Variants in SHTN1 observed in about 807,000 individuals in gnomAD.
SHTN1 encodes shootin 1, also known as shootin-1.
Under a neutral mutation model 83.1 loss-of-function variants are expected in SHTN1, and 42 were observed. The ratio of observed to expected loss-of-function variants is 0.51; its 90% CI spans 0.39 to 0.65. SHTN1 has a LOEUF of 0.65. Among genes scored for constraint, SHTN1 ranks in the 30% least tolerant of loss-of-function variants. The pLI is 0.00. For synonymous variants in SHTN1, 224 were observed against 247.7 expected, an observed-to-expected ratio of 0.90 and a Z score of 0.90; for missense variants, 622 against 737.8, an observed-to-expected ratio of 0.84 and a Z score of 1.82.
chr10:116,927,829 G>C lies in SHTN1; in HGVS notation c.1075C>G (p.Pro359Ala). 1.9e-6 allele frequency: 3 copies of C among 1,606,870 alleles called. No homozygotes were observed. The highest frequency in any genetic ancestry group is 1.7e-6 in the Non-Finnish European group (2 of 1,176,940). The change falls in exon 11 of 17, where the codon CCA (proline) becomes GCA (alanine). Residue 359 changes from proline to alanine, a missense_variant. Pro to Ala is a conservative substitution (Grantham distance 27). Coordinates refer to ENST00000355371, the MANE Select transcript of SHTN1 (RefSeq NM_001127211.3). ...GGAGGTGGAGGGGGAAGTGGTGGTG[G>C]AGGAGGAGGTGGTGGAGGTACTGAA... ...ENSVPPPPPP[P>A]PPLPPPPPNP... is the part of the protein sequence containing the mutation.
At chr10:117,104,845 C>A (rs1215705085) in intron 1 of SHTN1, among the ~76,000 whole-genome samples, 1 of 151,690 alleles carries the variant, frequency 6.6e-6, no homozygotes, top group Non-Finnish European at 1.5e-5. Context: ...AATTATTTGT[C>A]ATTAATAGTC....
chr10:116,935,618 G>GA (rs1849129012), intron 9 of SHTN1, among the ~76,000 whole-genome samples: 1 of 152,100 alleles, frequency 6.6e-6, no homozygotes, highest in Admixed American at 6.5e-5. Context: ...GTATTAGCCT[G>GA]AAATTTTCTT....
Position 116,919,417 on chromosome 10 carries a change from A to C in SHTN1, c.1195+2017T>G, listed in dbSNP as rs537956967. On this transcript the variant is annotated intron_variant, in intron 12 of 16. Coordinates refer to ENST00000355371, the MANE Select transcript of SHTN1 (RefSeq NM_001127211.3). ...ATTGGTAACTCTACTTAGAATCCCA[A>C]AATAGCAATCTGGTAGCCCAAGGAT... Among the ~76,000 whole-genome samples the C allele has an allele frequency of 3.3e-5, 5 of 152,316 alleles. No homozygotes were observed. The East Asian group carries it at 7.7e-4, about 24-fold the overall frequency.
At chr10:116,908,268 C>T (rs1848051065) in intron 14 of SHTN1, among the ~76,000 whole-genome samples, 1 of 152,102 alleles carries the variant, frequency 6.6e-6, no homozygotes, top group African/African-American at 2.4e-5. Context: ...TTAGAAGTAT[C>T]TCTTTTTATT....
In SHTN1 at chr10:116,883,028, T is replaced by C. The variant is rs1847065803; in HGVS notation, c.*3316A>G. 6.6e-6 allele frequency: 1 copy of C among 151,892 alleles called. No individual in the cohort carries two copies. 9.4% of individuals were successfully genotyped at this position (151,892 alleles called of 1,614,324 possible). A position where few individuals can be genotyped will look rare whatever the true frequency, so the allele number is the denominator to read the frequency against. ...ATGAGACTATGCCCTGGAACAGTGATATAAATTATAATTAAATTACTAAAA... is the reference window on the plus strand; with the variant it reads ...ATGAGACTATGCCCTGGAACAGTGACATAAATTATAATTAAATTACTAAAA... On this transcript the variant is annotated 3_prime_UTR_variant, in exon 17 of 17. Coordinates refer to ENST00000355371, the MANE Select transcript of SHTN1 (RefSeq NM_001127211.3).
chr10:116,893,414 C>T (rs1398028772), intron 16 of SHTN1, among the ~76,000 whole-genome samples: 2 of 152,128 alleles, frequency 1.3e-5, no homozygotes, highest in Admixed American at 1.3e-4. Flanking sequence ...ACTAAGATTA[C>T]AGTTGAGAGC....
At chr10:117,040,164 T>C (rs938767448) in intron 2 of SHTN1, among the ~76,000 whole-genome samples, 2 of 152,178 alleles carry the variant, frequency 1.3e-5, no homozygotes, top group Non-Finnish European at 2.9e-5. Context: ...GAAAACTGTT[T>C]TTAGATACTG....
chr10:117,039,453 T>C (rs1355463119), intron 2 of SHTN1, among the ~76,000 whole-genome samples: 2 of 152,210 alleles, frequency 1.3e-5, no homozygotes, highest in Non-Finnish European at 2.9e-5. Flanking sequence ...ACAACATCTA[T>C]AGTGAACCTT....
intron 1 of SHTN1, among the ~76,000 whole-genome samples, chr10:117,099,009 TACACACACACACACACAC>T (rs371738555): frequency 1.6e-4 from 22 of 141,128 alleles, no homozygotes; most frequent in African/African-American, 4.7e-4. Context: ...GTGGTATGTA[TACACACACACACACACAC>T]ACACACACAC....
intron 2 of SHTN1, among the ~76,000 whole-genome samples, chr10:117,044,610 A>G (rs1194386010): frequency 6.6e-6 from 1 of 152,152 alleles, no homozygotes; most frequent in Non-Finnish European, 1.5e-5. Context: ...TAGGGAGTCT[A>G]TAAGTACCCA....
intron 2 of SHTN1, among the ~76,000 whole-genome samples, chr10:117,047,240 T>C (rs11197875): frequency 0.23 from 35,686 of 151,862 alleles, 4,948 homozygotes; most frequent in East Asian, 0.46. Flanking sequence ...AATTTTTTTG[T>C]ATTTTTGGTA....
rs540044505 is a variant in SHTN1 at position 116,884,154 on chromosome 10, A to G, written c.*2190T>C. The G allele has an allele frequency of 2.0e-5, 9 of 449,330 alleles. No homozygotes were observed. Among genetic ancestry groups the G allele is most frequent in the Middle Eastern group, 3.3e-4 (1 of 3,048 alleles). 27.8% of individuals were successfully genotyped at this position (449,330 alleles called of 1,614,324 possible). A position where few individuals can be genotyped will look rare whatever the true frequency, so the allele number is the denominator to read the frequency against. On this transcript the variant is annotated 3_prime_UTR_variant, in exon 17 of 17. Coordinates refer to ENST00000355371, the MANE Select transcript of SHTN1 (RefSeq NM_001127211.3). ...TTTTCCAACTTAAAATTGTGTAAGC[A>G]GGACGTATGTAAGTTTTGTGTGTGC...
At chr10:116,889,656 C>T (rs1433006668) in intron 16 of SHTN1, among the ~76,000 whole-genome samples, 1 of 152,216 alleles carries the variant, frequency 6.6e-6, no homozygotes, top group African/African-American at 2.4e-5. Context: ...GAGTCAGAAG[C>T]TCCTGTCTCC....
chr10:117,003,673 A>G (rs1362233518), intron 1 of SHTN1, among the ~76,000 whole-genome samples: 7 of 151,932 alleles, frequency 4.6e-5, no homozygotes, highest in Non-Finnish European at 4.4e-5. Flanking sequence ...GATTGACCAG[A>G]AGATCCACGG....
At chr10:117,015,016 T>C (rs1180946613) in intron 2 of SHTN1, among the ~76,000 whole-genome samples, 1 of 152,194 alleles carries the variant, frequency 6.6e-6, no homozygotes, top group East Asian at 1.9e-4. Flanking sequence ...GTGTGGCTCA[T>C]TATCCTTGGT....
At chr10:117,109,209 G>A (rs1247799377) in intron 1 of SHTN1, among the ~76,000 whole-genome samples, 1 of 152,122 alleles carries the variant, frequency 6.6e-6, no homozygotes, top group Non-Finnish European at 1.5e-5. Flanking sequence ...CTGAGGCACA[G>A]GCTTCAGACT....
At chr10:116,997,356 A>C (rs1360400392) in intron 1 of SHTN1, among the ~76,000 whole-genome samples, 1 of 152,212 alleles carries the variant, frequency 6.6e-6, no homozygotes, top group Non-Finnish European at 1.5e-5. Context: ...ATGCATTAAT[A>C]AACTTGCTTG....
At chr10:117,023,507 A>T (rs963762249) in intron 2 of SHTN1, among the ~76,000 whole-genome samples, 12 of 152,270 alleles carry the variant, frequency 7.9e-5, no homozygotes, top group African/African-American at 2.9e-4. Flanking sequence ...GCATACACCT[A>T]GACTAATTGA....
upstream of SHTN1, among the ~76,000 whole-genome samples, chr10:117,006,725 C>T (rs762127845): frequency 2.0e-5 from 3 of 152,098 alleles, 1 homozygote; most frequent in Non-Finnish European, 4.4e-5. Context: ...CTCACTACCT[C>T]TAAGCTCTTA....
Sources: gnomAD v4.1 joint callset for allele counts (sites outside exome capture counted in the v4.1 genomes callset) on GRCh38, gnomAD v4.1.1 for gene constraint, MANE v1.5 for transcripts, NCBI Gene and HGNC (gene_info 2026-07-23, HGNC 2026-07-21) for gene names.